Variants in SULF1 observed in about 807,000 individuals in gnomAD.
SULF1 encodes the protein sulfatase 1, also known as extracellular sulfatase Sulf-1.
SULF1 carries 46 observed loss-of-function variants against 110.5 expected under a neutral mutation model. The observed-to-expected ratio is 0.42, with a 90% CI of 0.33 to 0.53. The LOEUF (loss-of-function observed/expected upper bound fraction) is 0.53. SULF1 is among the 20% of genes least tolerant of loss of function. SULF1 has a pLI of 0.12. For missense variants in SULF1, 941 were observed against 1,094.2 expected, an observed-to-expected ratio of 0.86 and a Z score of 1.98; for synonymous variants, 371 against 387.1, an observed-to-expected ratio of 0.96 and a Z score of 0.49.
chr8:69,627,075 T>A, intron 15 of SULF1, 135 bp from the exon 16 acceptor site: 1 of 655,258 alleles, frequency 1.5e-6, no homozygotes, highest in South Asian at 1.8e-5. Context: ...TTGATGCTGG[T>A]CTTGGATCAG....
chr8:69,624,681 C>T (rs763873936), intron 15 of SULF1, among the ~76,000 whole-genome samples: 3 of 152,160 alleles, frequency 2.0e-5, no homozygotes, highest in Non-Finnish European at 2.9e-5. Flanking sequence ...GTCCCAGAGA[C>T]GCTTCCAGAG....
chr8:69,640,893 G>C (rs1340268400), intron 22 of SULF1, 52 bp downstream of exon 22: 1 of 1,561,578 alleles, frequency 6.4e-7, no homozygotes, highest in African/African-American at 1.4e-5. Context: ...ATAATTGCAT[G>C]ATCCAGTGGT....
At chr8:69,551,082 G>A (rs1814673870) in intron 3 of SULF1, among the ~76,000 whole-genome samples, 1 of 152,222 alleles carries the variant, frequency 6.6e-6, no homozygotes, top group African/African-American at 2.4e-5. Context: ...TCAAAGAGGA[G>A]GCTATAGGTG....
At chr8:69,627,670 A>T (rs1810200657) in intron 16 of SULF1, 102 bp from the exon 17 acceptor site, 1 of 777,062 alleles carries the variant, frequency 1.3e-6, no homozygotes, top group Non-Finnish European at 2.2e-6. Context: ...TCTCAGATGA[A>T]TAGCTGTTAT....
At chr8:69,542,611 G>A (rs1406551040) in intron 3 of SULF1, among the ~76,000 whole-genome samples, 1 of 151,686 alleles carries the variant, frequency 6.6e-6, no homozygotes, top group African/African-American at 2.4e-5. Context: ...TGAAACCTTT[G>A]TACAGTGTAA....
chr8:69,594,424 T>A (rs926525324), intron 8 of SULF1, among the ~76,000 whole-genome samples: 3 of 151,628 alleles, frequency 2.0e-5, no homozygotes, highest in African/African-American at 4.9e-5. Flanking sequence ...GCATGTACAC[T>A]CACACACACA....
intron 14 of SULF1, among the ~76,000 whole-genome samples, chr8:69,622,069 A>G (rs1052813658): frequency 6.6e-6 from 1 of 152,276 alleles, no homozygotes; most frequent in Admixed American, 6.5e-5. Flanking sequence ...TGTAGACTCC[A>G]CAATATGGGC....
intron 3 of SULF1, among the ~76,000 whole-genome samples, chr8:69,558,325 C>T (rs774970031): frequency 3.2e-4 from 49 of 152,308 alleles, no homozygotes; most frequent in South Asian, 2.1e-4. Context: ...AATTCAGCTT[C>T]GCATAACTGC....
At chr8:69,506,404 G>A (rs6990229) in intron 3 of SULF1, among the ~76,000 whole-genome samples, 5,792 of 152,282 alleles carry the variant, frequency 0.038, 369 homozygotes, top group African/African-American at 0.13. Flanking sequence ...TAAGTGATAA[G>A]CAAATGTTAG....
intron 1 of SULF1, among the ~76,000 whole-genome samples, chr8:69,483,542 C>G (rs901194422): frequency 6.6e-6 from 1 of 152,146 alleles, no homozygotes; most frequent in African/African-American, 2.4e-5. Flanking sequence ...TTCCAATATG[C>G]CTTCTTAGCA....
intron 22 of SULF1, among the ~76,000 whole-genome samples, chr8:69,652,709 T>A (rs1049947831): frequency 6.6e-6 from 1 of 152,244 alleles, no homozygotes; most frequent in African/African-American, 2.4e-5. Flanking sequence ...CTTGTGCCCA[T>A]CACTGAGTTT....
chr8:69,638,427 A>T lies in SULF1; in HGVS notation c.2285-75A>T, dbSNP rs116418480. On this transcript the variant is annotated intron_variant, in intron 19 of 22. Coordinates refer to ENST00000402687, the MANE Select transcript of SULF1 (RefSeq NM_001128205.2). ...GAACTTTAAAGTGTAAAGATAAGGGAACACTGGAATGGCAAGCCTGCCTAA... is the reference window on the plus strand; with the variant it reads ...GAACTTTAAAGTGTAAAGATAAGGGTACACTGGAATGGCAAGCCTGCCTAA... 1.4e-3 allele frequency: 2,069 copies of T among 1,509,846 alleles called. 29 individuals carry two copies. In the African/African-American group the frequency reaches 0.027, roughly 19 times the overall value. The allele number at this position is 1,509,846 out of a possible 1,614,324, so 93.5% of individuals were successfully genotyped here. A position where few individuals can be genotyped will look rare whatever the true frequency, so the allele number is the denominator to read the frequency against.
At chr8:69,569,730 T>C (rs1805090896) in intron 5 of SULF1, among the ~76,000 whole-genome samples, 1 of 152,236 alleles carries the variant, frequency 6.6e-6, no homozygotes, top group African/African-American at 2.4e-5. Flanking sequence ...GTAAGTAGCT[T>C]TTAATGGCCT....
At chr8:69,518,994 G>C (rs936198127) in intron 3 of SULF1, among the ~76,000 whole-genome samples, 3 of 152,080 alleles carry the variant, frequency 2.0e-5, no homozygotes, top group African/African-American at 7.2e-5. Context: ...TCTCCTCTCT[G>C]TGCTATAGTC....
chr8:69,561,404 A>C (rs1215160115), intron 3 of SULF1, among the ~76,000 whole-genome samples: 4 of 152,174 alleles, frequency 2.6e-5, no homozygotes, highest in Non-Finnish European at 5.9e-5. Flanking sequence ...TTAGGAAATG[A>C]TTTTTGATGT....
chr8:69,483,467 G>A (rs546180770), intron 1 of SULF1, among the ~76,000 whole-genome samples: 25 of 152,262 alleles, frequency 1.6e-4, no homozygotes, highest in African/African-American at 5.5e-4. Context: ...CTAAACGGCA[G>A]AATTTAGAAG....
intron 13 of SULF1, among the ~76,000 whole-genome samples, chr8:69,616,068 A>ATG (rs1426651780): frequency 6.7e-6 from 1 of 148,452 alleles, no homozygotes; most frequent in Non-Finnish European, 1.5e-5. Flanking sequence ...ACACATATAT[A>ATG]TGTGTGTATA....
intron 13 of SULF1, among the ~76,000 whole-genome samples, chr8:69,605,287 A>C (rs1808150314): frequency 6.6e-6 from 1 of 152,222 alleles, no homozygotes; most frequent in Admixed American, 6.5e-5. Flanking sequence ...GTACGTGCTG[A>C]GCCTCTTGGC....
At chr8:69,494,900 A>G (rs6983172) in intron 1 of SULF1, among the ~76,000 whole-genome samples, 29,802 of 151,004 alleles carry the variant, frequency 0.2, 3,148 homozygotes, top group African/African-American at 0.24. Flanking sequence ...AAAAAAAAAA[A>G]AGAGAGAGAC....
Sources: allele counts gnomAD v4.1 joint callset (sites outside exome capture counted in the v4.1 genomes callset), GRCh38; gene constraint gnomAD v4.1.1; transcripts MANE v1.5; gene names NCBI Gene and HGNC (gene_info 2026-07-23, HGNC 2026-07-21).